The following OSBPL1A variants were observed in gnomAD, a reference collection of about 807,000 sequenced individuals.
OSBPL1A encodes the protein oxysterol-binding protein-related protein 1.
OSBPL1A carries 80 observed loss-of-function variants against 137.1 expected under a neutral mutation model. That is an observed-to-expected ratio of 0.58 (90% CI 0.49 to 0.70). The LOEUF (loss-of-function observed/expected upper bound fraction) is 0.70, where lower values mean the gene tolerates loss of function less well. OSBPL1A is among the 30% of genes least tolerant of loss of function. The pLI, the probability that OSBPL1A is intolerant of heterozygous loss-of-function variation, is 0.00. For synonymous variants in OSBPL1A, 365 were observed against 389.7 expected (o/e 0.94, Z 0.75); for missense variants, 970 against 1,129.4 (o/e 0.86, Z 2.02).
intron 14 of OSBPL1A, among the ~76,000 whole-genome samples, chr18:24,294,221 T>G (rs1266363423): frequency 9.7e-6 from 1 of 103,262 alleles, no homozygotes; most frequent in African/African-American, 3.8e-5. Flanking sequence ...TATGTGGTTG[T>G]TTTTTTTTTT....
intron 15 of OSBPL1A, among the ~76,000 whole-genome samples, chr18:24,250,170 G>T (rs374175848): frequency 3.3e-4 from 17 of 51,148 alleles, no homozygotes; most frequent in South Asian, 1.6e-3. Flanking sequence ...TTGTTTGTTT[G>T]TTTGTTTGTT....
At chr18:24,372,309 G>C (rs1298488464) in intron 2 of OSBPL1A, among the ~76,000 whole-genome samples, 1 of 151,762 alleles carries the variant, frequency 6.6e-6, no homozygotes, top group Non-Finnish European at 1.5e-5. Flanking sequence ...GAAAAAAAGA[G>C]GTATTTCATG....
intron 1 of OSBPL1A, among the ~76,000 whole-genome samples, chr18:24,392,840 G>A (rs999537799): frequency 3.3e-5 from 5 of 152,010 alleles, no homozygotes; most frequent in African/African-American, 4.8e-5. Flanking sequence ...ACAGGTGCAC[G>A]CCACCATACC....
chr18:24,211,115 A>G (rs1378237952), intron 17 of OSBPL1A, among the ~76,000 whole-genome samples: 1 of 152,016 alleles, frequency 6.6e-6, no homozygotes, highest in Non-Finnish European at 1.5e-5. Flanking sequence ...ACAGGTGCCC[A>G]CCACCACGCC....
chr18:24,216,401 G>C (rs1333711803), intron 17 of OSBPL1A, among the ~76,000 whole-genome samples: 1 of 152,188 alleles, frequency 6.6e-6, no homozygotes, highest in Non-Finnish European at 1.5e-5. Flanking sequence ...CAGCTACCTG[G>C]GAGGCTGAGG....
intron 21 of OSBPL1A, 85 bp downstream of exon 21, chr18:24,177,928 G>A: frequency 7.6e-7 from 1 of 1,316,236 alleles, no homozygotes; most frequent in Non-Finnish European, 1.0e-6. Flanking sequence ...TCCAGCTTTT[G>A]AACAGTAAGG....
At chr18:24,296,265 G>A (rs1165663422) in intron 14 of OSBPL1A, among the ~76,000 whole-genome samples, 2 of 152,036 alleles carry the variant, frequency 1.3e-5, no homozygotes, top group African/African-American at 4.8e-5. Flanking sequence ...TTTTGCAACT[G>A]TTGTAAAAGG....
intron 16 of OSBPL1A, among the ~76,000 whole-genome samples, chr18:24,233,859 C>T (rs1282348679): frequency 6.6e-6 from 1 of 152,160 alleles, no homozygotes; most frequent in African/African-American, 2.4e-5. Flanking sequence ...ACAATGTTGG[C>T]CAGGCTGGTC....
At chr18:24,192,192 G>A (rs1006057199) in intron 18 of OSBPL1A, among the ~76,000 whole-genome samples, 2 of 152,130 alleles carry the variant, frequency 1.3e-5, no homozygotes, top group African/African-American at 4.8e-5. Context: ...AGGTCCTGGG[G>A]CTGGTTGCCT....
Position 24,171,474 on chromosome 18 carries a change from A to C in OSBPL1A, c.2226T>G (p.Asn742Lys). Residue 742 changes from asparagine (N) to lysine (K), a missense_variant, in exon 23 of 28, where the codon AAT (asparagine) becomes AAG (lysine). Physicochemically the swap from Asn to Lys is moderately conservative, Grantham distance 94. Around this residue, in one of 2 missense-constraint regions of OSBPL1A, gnomAD observed 323 missense variants for 456.8 expected, o/e 0.71. Coordinates refer to ENST00000319481, the MANE Select transcript of OSBPL1A (RefSeq NM_080597.4). Reference protein sequence around the residue: ...NHKTGDKCVLNFKPCGLFGKE... With the variant: ...NHKTGDKCVLKFKPCGLFGKE... ...TACCAAAAAGGCCACATGGCTTAAA[A>C]TTCAACACACATTTGTCCCCAGTCC... The C allele has an allele frequency of 6.2e-7, 1 of 1,613,736 alleles. No homozygotes were observed. The highest frequency in any genetic ancestry group is 8.5e-7 in the Non-Finnish European group (1 of 1,179,692).
intron 17 of OSBPL1A, among the ~76,000 whole-genome samples, chr18:24,208,681 G>A (rs554154850): frequency 6.6e-6 from 1 of 152,216 alleles, no homozygotes; most frequent in Admixed American, 6.5e-5. Context: ...GCAGTGAATG[G>A]CATAGAACCT....
intron 23 of OSBPL1A, among the ~76,000 whole-genome samples, chr18:24,170,973 C>T (rs967191073): frequency 6.6e-6 from 1 of 150,706 alleles, no homozygotes; most frequent in Non-Finnish European, 1.5e-5. Flanking sequence ...ATGAAATAAA[C>T]TTCCTTGTAG....
chr18:24,394,663 T>G (rs532496968), intron 1 of OSBPL1A, among the ~76,000 whole-genome samples: 106 of 152,320 alleles, frequency 7.0e-4, no homozygotes, highest in African/African-American at 2.5e-3. Flanking sequence ...TTATTTCACA[T>G]TTGAAAATTA....
At chr18:24,390,694 C>CAAAAAAAAAAAAAAAAAA (rs751432894) in intron 1 of OSBPL1A, among the ~76,000 whole-genome samples, 8 of 56,202 alleles carry the variant, frequency 1.4e-4, no homozygotes, top group South Asian at 6.5e-4. Context: ...GACTCCGTCT[C>CAAAAAAAAAAAAAAAAAA]AAAAAAAAAA....
intron 7 of OSBPL1A, among the ~76,000 whole-genome samples, chr18:24,329,663 T>A (rs765426695): frequency 1.1e-4 from 16 of 152,012 alleles, no homozygotes; most frequent in South Asian, 2.1e-4. Flanking sequence ...ATAAAATATA[T>A]ATTAACTGAA....
intron 7 of OSBPL1A, among the ~76,000 whole-genome samples, chr18:24,327,401 G>A (rs1391568147): frequency 6.6e-6 from 1 of 151,766 alleles, no homozygotes; most frequent in Admixed American, 6.6e-5. Flanking sequence ...CCCAGCCTTT[G>A]ATTGATTGAT....
chr18:24,229,094 G>A (rs973150124), intron 16 of OSBPL1A, among the ~76,000 whole-genome samples: 12 of 152,080 alleles, frequency 7.9e-5, no homozygotes, highest in African/African-American at 4.8e-5. Context: ...CCAGTTACTC[G>A]GAAGGCTGAG....
At chr18:24,315,558 T>C (rs1349245983) in intron 11 of OSBPL1A, among the ~76,000 whole-genome samples, 2 of 139,082 alleles carry the variant, frequency 1.4e-5, no homozygotes, top group African/African-American at 5.4e-5. Flanking sequence ...ATAATATTAA[T>C]AATATTATGA....
chr18:24,205,328 T>C (rs1193050088), intron 17 of OSBPL1A, among the ~76,000 whole-genome samples: 1 of 152,220 alleles, frequency 6.6e-6, no homozygotes, highest in African/African-American at 2.4e-5. Flanking sequence ...GGAGTTCCCA[T>C]GAAACAATGC....
Sources: gnomAD v4.1 joint callset for allele counts (sites outside exome capture counted in the v4.1 genomes callset) on GRCh38, gnomAD v4.1.1 for gene constraint, gnomAD v4.1.1 regional missense constraint, MANE v1.5 for transcripts, NCBI Gene and HGNC (gene_info 2026-07-23, HGNC 2026-07-21) for gene names.